Variants in VPS13D observed in about 807,000 individuals in gnomAD.
VPS13D encodes vacuolar protein sorting 13 homolog D, also known as intermembrane lipid transfer protein VPS13D.
A neutral mutation model predicts 461.9 loss-of-function variants in VPS13D; 187 were observed. That is an observed-to-expected ratio of 0.40 (90% CI 0.36 to 0.46). VPS13D has a LOEUF of 0.46. Ranked by LOEUF, VPS13D falls within the 20% of genes least tolerant of loss-of-function variation. The pLI, the probability that VPS13D is intolerant of heterozygous loss-of-function variation, is 0.60. For missense variants in VPS13D, 4,711 were observed against 5,364.9 expected (o/e 0.88, Z 3.81); for synonymous variants, 1,951 against 1,986.3 (o/e 0.98, Z 0.47).
intron 36 of VPS13D, among the ~76,000 whole-genome samples, 177 bp downstream of exon 36, chr1:12,328,031 A>T (rs1448559993): frequency 6.6e-6 from 1 of 152,020 alleles, no homozygotes; most frequent in Non-Finnish European, 1.5e-5. Context: ...TATTTGCCAT[A>T]TGTGGCCTTC....
chr1:12,324,684 G>A (rs1643133254), intron 35 of VPS13D, among the ~76,000 whole-genome samples: 1 of 152,230 alleles, frequency 6.6e-6, no homozygotes. Flanking sequence ...TATATGCAAA[G>A]CACTAAGAAA....
At chr1:12,341,335 A>G (rs748456738) in intron 40 of VPS13D, among the ~76,000 whole-genome samples, 67 of 152,370 alleles carry the variant, frequency 4.4e-4, no homozygotes, top group Non-Finnish European at 8.5e-4. Flanking sequence ...TACAAAATGC[A>G]TACTATGACT....
intron 65 of VPS13D, among the ~76,000 whole-genome samples, chr1:12,427,582 G>A (rs1570150924): frequency 6.6e-6 from 1 of 152,094 alleles, no homozygotes; most frequent in Non-Finnish European, 1.5e-5. Context: ...TATTTACATA[G>A]CATTTACATG....
chr1:12,339,695 G>T (rs1383481631), intron 40 of VPS13D, among the ~76,000 whole-genome samples: 1 of 152,212 alleles, frequency 6.6e-6, no homozygotes, highest in East Asian at 1.9e-4. Context: ...GTTGCCTGAT[G>T]TTGGGCTTGG....
rs760349135 is a variant in VPS13D at position 12,327,777 on chromosome 1, A to G, written c.8120A>G (p.Lys2707Arg). ...CCATTGATCTCTGGCGTGGAGATCA[A>G]AGCTGAGAGTGTGTGCATCTGTTTC... ...AAPLISGVEI[K>R]AESVCICFID... The change falls in exon 36 of 70, where the codon AAA (lysine) becomes AGA (arginine). Residue 2707 changes from lysine to arginine, a missense_variant. This residue lies in a region of VPS13D where 4,411 missense variants were observed against 4,937.8 expected (regional missense o/e 0.89). Coordinates refer to ENST00000620676, the MANE Select transcript of VPS13D (RefSeq NM_015378.4). 2.5e-6 allele frequency: 4 copies of G among 1,614,120 alleles called. No homozygotes were observed. Among genetic ancestry groups the G allele is most frequent in the Non-Finnish European group, 3.4e-6 (4 of 1,179,996 alleles).
At chr1:12,304,918 A>AAT (rs1642520737) in intron 26 of VPS13D, among the ~76,000 whole-genome samples, 190 bp downstream of exon 26, 1 of 151,926 alleles carries the variant, frequency 6.6e-6, no homozygotes, top group African/African-American at 2.4e-5. Flanking sequence ...TCATTGGATG[A>AAT]CTTGTAAAGT....
chr1:12,437,110 A>G (rs569246464), intron 65 of VPS13D, among the ~76,000 whole-genome samples: 1 of 152,262 alleles, frequency 6.6e-6, no homozygotes, highest in Admixed American at 6.5e-5. Flanking sequence ...CACTTTTTAT[A>G]TAATTAGAGC....
At chr1:12,379,410 C>A in intron 56 of VPS13D, 78 bp from the exon 57 acceptor site, 1 of 1,328,812 alleles carries the variant, frequency 7.5e-7, no homozygotes, top group East Asian at 2.5e-5. Flanking sequence ...AGAGCAAAGC[C>A]ATCATCCTCA....
intron 68 of VPS13D, among the ~76,000 whole-genome samples, chr1:12,498,761 G>T (rs1019935658): frequency 5.9e-5 from 9 of 152,170 alleles, no homozygotes; most frequent in Non-Finnish European, 1.0e-4. Context: ...TTCTCTTCCT[G>T]GCTTGCAGAT....
chr1:12,310,624 G>A (rs937979174), intron 27 of VPS13D, among the ~76,000 whole-genome samples: 1 of 152,172 alleles, frequency 6.6e-6, no homozygotes, highest in Non-Finnish European at 1.5e-5. Context: ...TAAATCCAAA[G>A]AGTTAAATAA....
intron 67 of VPS13D, among the ~76,000 whole-genome samples, chr1:12,480,796 G>A (rs1645704838): frequency 1.3e-5 from 2 of 152,192 alleles, no homozygotes; most frequent in South Asian, 4.1e-4. Flanking sequence ...GACAAAGAGG[G>A]CACTAACTAG....
chr1:12,476,889 G>T (rs867484418), intron 67 of VPS13D, among the ~76,000 whole-genome samples: 14 of 152,238 alleles, frequency 9.2e-5, no homozygotes, highest in Non-Finnish European at 8.8e-5. Context: ...AGGAAACCTT[G>T]TGAGGAAAAT....
At chr1:12,487,597 C>T (rs1310159430) in intron 67 of VPS13D, among the ~76,000 whole-genome samples, 18 of 147,998 alleles carry the variant, frequency 1.2e-4, no homozygotes, top group South Asian at 2.1e-4. Context: ...GGCGACAGAG[C>T]GAGATTCCAT....
At chr1:12,254,389 G>T (rs1198611464) in intron 7 of VPS13D, among the ~76,000 whole-genome samples, 1 of 151,876 alleles carries the variant, frequency 6.6e-6, no homozygotes, top group Admixed American at 6.6e-5. Context: ...GAATCTTAAA[G>T]AGGAACTTTC....
chr1:12,415,798 A>G (rs912011743), intron 64 of VPS13D, among the ~76,000 whole-genome samples: 1 of 152,134 alleles, frequency 6.6e-6, no homozygotes, highest in African/African-American at 2.4e-5. Context: ...TTTTTTGACT[A>G]TCCTAATTGG....
At chr1:12,489,221 T>G (rs999365850) in intron 67 of VPS13D, among the ~76,000 whole-genome samples, 1 of 152,180 alleles carries the variant, frequency 6.6e-6, no homozygotes, top group Non-Finnish European at 1.5e-5. Flanking sequence ...TAAATCCCAA[T>G]AGGTGTATCT....
intron 65 of VPS13D, among the ~76,000 whole-genome samples, chr1:12,447,091 G>A (rs1015902646): frequency 6.6e-6 from 1 of 152,160 alleles, no homozygotes; most frequent in Admixed American, 6.5e-5. Flanking sequence ...CCTCTTCCTT[G>A]TCCAGATATT....
chr1:12,258,065 A>G lies in VPS13D; in HGVS notation c.1072A>G (p.Asn358Asp), dbSNP rs748539298. The G allele has an allele frequency of 3.1e-6, 5 of 1,614,102 alleles. No homozygotes were observed. In the African/African-American group the frequency reaches 6.7e-5, roughly 22 times the overall value. Residue 358 changes from asparagine to aspartate, a missense_variant, in exon 10 of 70, where the codon AAC (asparagine) becomes GAC (aspartate). Transcript: ENST00000620676. ...TGTATCTTACACTGACAAATATTTC[A>G]ACAAGTTAAAAGGAGGCCTGCTGTC... is the stretch of plus-strand genomic sequence containing the variant. ...DAVSYTDKYF[N>D]KLKGGLLSTD...
At chr1:12,269,810 C>G (rs2101328833) in intron 16 of VPS13D, among the ~76,000 whole-genome samples, 1 of 152,214 alleles carries the variant, frequency 6.6e-6, no homozygotes, top group South Asian at 2.1e-4. Flanking sequence ...TTCATATAAA[C>G]AGTAGCCATA....
Sources: allele counts gnomAD v4.1 joint callset (sites outside exome capture counted in the v4.1 genomes callset), GRCh38; gene constraint gnomAD v4.1.1; regional missense constraint gnomAD v4.1.1; transcripts MANE v1.5; gene names NCBI Gene and HGNC (gene_info 2026-07-23, HGNC 2026-07-21).